Variants in SCTR observed in about 807,000 individuals in gnomAD.
The protein encoded by SCTR is pancreatic secretin receptor.
A neutral mutation model predicts 60.8 loss-of-function variants in SCTR; 56 were observed. The ratio of observed to expected loss-of-function variants is 0.92; its 90% CI spans 0.74 to 1.15. SCTR has a LOEUF of 1.15. Among genes scored for constraint, SCTR ranks in the 50% most tolerant of loss-of-function variants. SCTR has a pLI of 0.00. For missense variants in SCTR, 562 were observed against 550.4 expected (o/e 1.02, Z -0.21); for synonymous variants, 202 against 217.0 (o/e 0.93, Z 0.61).
chr2:119,504,586 G>T (rs1022504105), intron 1 of SCTR, among the ~76,000 whole-genome samples: 13 of 151,802 alleles, frequency 8.6e-5, no homozygotes, highest in Admixed American at 8.5e-4. Context: ...GTAAGACTCT[G>T]TCTCAAAAAA....
chr2:119,488,238 G>C (rs141290061), intron 2 of SCTR, among the ~76,000 whole-genome samples: 2 of 152,336 alleles, frequency 1.3e-5, no homozygotes, highest in Admixed American at 6.5e-5. Flanking sequence ...TGTGATGGGT[G>C]GGGGGCCAGC....
chr2:119,468,723 C>T (rs774617691), intron 4 of SCTR, among the ~76,000 whole-genome samples: 1 of 152,142 alleles, frequency 6.6e-6, no homozygotes, highest in Non-Finnish European at 1.5e-5. Flanking sequence ...GGCAGCTGGC[C>T]ACGTGGGAAT....
At chr2:119,444,196 CAT>C (rs931769075) in intron 11 of SCTR, among the ~76,000 whole-genome samples, 20 of 129,522 alleles carry the variant, frequency 1.5e-4, no homozygotes, top group African/African-American at 3.4e-4. Context: ...AATATATACA[CAT>C]ATGTATATAT....
At chr2:119,494,577 C>T (rs1678276057) in intron 1 of SCTR, 29 bp from the exon 2 acceptor site, 1 of 1,612,140 alleles carries the variant, frequency 6.2e-7, no homozygotes, top group Non-Finnish European at 8.5e-7. Context: ...GGATGCTCAT[C>T]ATTGCCACTA....
At chr2:119,490,793 C>G (rs1439738259) in intron 2 of SCTR, among the ~76,000 whole-genome samples, 1 of 152,194 alleles carries the variant, frequency 6.6e-6, no homozygotes, top group Non-Finnish European at 1.5e-5. Flanking sequence ...TCACTTTCAC[C>G]CACTGGCCCA....
chr2:119,518,795 C>T (rs915743304), intron 1 of SCTR, among the ~76,000 whole-genome samples: 3 of 152,044 alleles, frequency 2.0e-5, no homozygotes, highest in African/African-American at 7.2e-5. Flanking sequence ...AGCTCGAATC[C>T]CAGATATTAA....
intron 1 of SCTR, among the ~76,000 whole-genome samples, chr2:119,507,488 G>A (rs969207884): frequency 4.6e-5 from 7 of 152,078 alleles, no homozygotes; most frequent in African/African-American, 1.4e-4. Flanking sequence ...AGGGGAATAG[G>A]GGAAGAACTC....
intron 11 of SCTR, among the ~76,000 whole-genome samples, chr2:119,442,400 C>A (rs1364234521): frequency 6.6e-6 from 1 of 152,216 alleles, no homozygotes; most frequent in East Asian, 1.9e-4. Flanking sequence ...CCTCAGGCCA[C>A]CCTTCTCTCC....
At position 119,461,937 on chromosome 2, in the gene SCTR, G is replaced by A. The variant is rs202238112; in HGVS notation, c.700C>T (p.Leu234=). The A allele has an allele frequency of 1.2e-6, 2 of 1,613,988 alleles. No individual in the cohort carries two copies. The highest frequency in any genetic ancestry group is 1.7e-6 in the Non-Finnish European group (2 of 1,179,936). Residue 234 remains leucine, a synonymous_variant, in exon 7 of 13, where the codon CTG becomes TTG. Transcript: ENST00000019103. ...YCIMANYSWL[L]VEGLYLHTLL... ...GTGTGAAGGTAGAGGCCTTCCACCA[G>A]CAGCCAGGAGTAGTTGGCCATGATG...
Position 119,499,377 on chromosome 2 carries a change from C to T in SCTR, c.73-4829G>A, listed in dbSNP as rs1573907819. Among the ~76,000 whole-genome samples, 6 of 151,932 alleles carry T rather than the reference C, an allele frequency of 3.9e-5. 1 individual carries two copies. Among genetic ancestry groups the T allele is most frequent in the Admixed American group, 3.9e-4 (6 of 15,248 alleles). On this transcript the variant is annotated intron_variant, in intron 1 of 12. Transcript: ENST00000019103. Reference sequence around the variant, plus strand: ...CCATTAACAAAGACAATCTAATTAACGTTTATAGAACATTTCACCCAACAA... The same window carrying T: ...CCATTAACAAAGACAATCTAATTAATGTTTATAGAACATTTCACCCAACAA...
chr2:119,524,336 G>A lies in SCTR; in HGVS notation c.-110C>T, dbSNP rs531226476. 1 of 661,164 alleles carries A rather than the reference G, an allele frequency of 1.5e-6. No individual in the cohort carries two copies. Among genetic ancestry groups the A allele is most frequent in the Non-Finnish European group, 2.2e-6 (1 of 448,312 alleles). 41.0% of individuals were successfully genotyped at this position (661,164 alleles called of 1,614,324 possible). A position where few individuals can be genotyped will look rare whatever the true frequency, so the allele number is the denominator to read the frequency against. ...GTCCCGGGCTCCGGCCGGCCGCTGCGCCCCGAGGAGCCATGGCTGAGCCAC... is the reference window on the plus strand; with the variant it reads ...GTCCCGGGCTCCGGCCGGCCGCTGCACCCCGAGGAGCCATGGCTGAGCCAC... On this transcript the variant is annotated 5_prime_UTR_variant, in exon 1 of 13. Transcript: ENST00000019103.
intron 10 of SCTR, 151 bp from the exon 11 acceptor site, chr2:119,447,036 TG>T: frequency 8.1e-6 from 6 of 741,846 alleles, no homozygotes; most frequent in Non-Finnish European, 1.1e-5. Flanking sequence ...TTTTTTATTT[TG>T]AAAGTTTCTA....
intron 3 of SCTR, among the ~76,000 whole-genome samples, chr2:119,476,137 C>G (rs1677288740): frequency 6.6e-6 from 1 of 152,162 alleles, no homozygotes; most frequent in Admixed American, 6.5e-5. Flanking sequence ...GGGCGCTCCC[C>G]CTGGGGTTAG....
At chr2:119,473,197 G>A (rs906427184) in intron 4 of SCTR, among the ~76,000 whole-genome samples, 12 of 152,160 alleles carry the variant, frequency 7.9e-5, no homozygotes, top group African/African-American at 1.7e-4. Context: ...CCAGTCTCGC[G>A]GTGGTATGCG....
intron 2 of SCTR, among the ~76,000 whole-genome samples, chr2:119,490,093 AGTTTCC>A (rs1405329551): frequency 3.3e-5 from 5 of 152,152 alleles, no homozygotes; most frequent in African/African-American, 1.2e-4. Flanking sequence ...TCCCAGACGC[AGTTTCC>A]GGGGGTAGCA....
intron 7 of SCTR, among the ~76,000 whole-genome samples, chr2:119,456,810 G>A (rs1334280959): frequency 6.6e-6 from 1 of 152,136 alleles, no homozygotes; most frequent in Non-Finnish European, 1.5e-5. Flanking sequence ...ATCCTTATAA[G>A]AAGGCCATGA....
At chr2:119,503,760 T>C (rs1678638815) in intron 1 of SCTR, among the ~76,000 whole-genome samples, 1 of 152,184 alleles carries the variant, frequency 6.6e-6, no homozygotes, top group Non-Finnish European at 1.5e-5. Flanking sequence ...ACCCATAGAA[T>C]ATACAACACA....
chr2:119,503,604 A>C (rs1456536823), intron 1 of SCTR, among the ~76,000 whole-genome samples: 2 of 152,142 alleles, frequency 1.3e-5, no homozygotes, highest in Non-Finnish European at 2.9e-5. Flanking sequence ...ACAGTAAAAA[A>C]AATCAGTGGT....
At chr2:119,522,308 A>AAAAAAG (rs908020101) in intron 1 of SCTR, among the ~76,000 whole-genome samples, 9 of 152,084 alleles carry the variant, frequency 5.9e-5, no homozygotes, top group African/African-American at 1.9e-4. Context: ...AAAGAAAAAA[A>AAAAAAG]AAAAAGAAAA....
Sources: allele counts gnomAD v4.1 joint callset (sites outside exome capture counted in the v4.1 genomes callset), GRCh38; gene constraint gnomAD v4.1.1; transcripts MANE v1.5; gene names NCBI Gene and HGNC (gene_info 2026-07-23, HGNC 2026-07-21).